The following C2orf74 variants were observed in gnomAD, a reference collection of about 807,000 sequenced individuals.
The protein encoded by C2orf74 is DPM1 ER membrane anchor 1.
A neutral mutation model predicts 17.9 loss-of-function variants in C2orf74; 14 were observed. The ratio of observed to expected loss-of-function variants is 0.78; its 90% CI spans 0.52 to 1.22. The LOEUF (loss-of-function observed/expected upper bound fraction) is 1.22. C2orf74 is among the 50% of genes most tolerant of loss of function. The pLI, the probability that C2orf74 is intolerant of heterozygous loss-of-function variation, is 0.00. For missense variants in C2orf74, 217 were observed against 218.4 expected (o/e 0.99, Z 0.04); for synonymous variants, 79 against 72.6 (o/e 1.09, Z -0.44).
intron 1 of C2orf74, among the ~76,000 whole-genome samples, chr2:61,149,696 A>C (rs1685171104): frequency 6.7e-6 from 1 of 149,338 alleles, no homozygotes. Flanking sequence ...CTCCTGCCTC[A>C]GCCTCACAAG....
chr2:61,145,273 A>G (rs957603060), intron 1 of C2orf74: 2 of 152,174 alleles, frequency 1.3e-5, no homozygotes, highest in Non-Finnish European at 2.9e-5. Context: ...AAATATATTA[A>G]ATATTCATTT....
chr2:61,164,360 G>A lies in C2orf74; in HGVS notation c.397G>A (p.Gly133Ser), dbSNP rs1441074622. The change falls in exon 5 of 5, where the codon GGT becomes AGT. Residue 133 changes from glycine (G) to serine (S), a missense_variant. Transcript: ENST00000432605. ...TTGTCCCATTCTCTTGCAGGATGAT[G>A]GTTTGCAGAAAATACACACATCTGT... ...AGETGQEEDD[G>S]LQKIHTSVTR... The A allele has an allele frequency of 6.5e-7, 1 of 1,540,574 alleles. No individual in the cohort carries two copies. Among genetic ancestry groups the A allele is most frequent in the Non-Finnish European group, 8.7e-7 (1 of 1,143,102 alleles).
intron 1 of C2orf74, among the ~76,000 whole-genome samples, chr2:61,155,302 A>G (rs1685359152): frequency 6.6e-6 from 1 of 152,102 alleles, no homozygotes; most frequent in Admixed American, 6.6e-5. Context: ...TTTCCCATTA[A>G]TTGTTCATGA....
At chr2:61,158,877 CTA>C (rs1685476555), upstream of C2orf74, among the ~76,000 whole-genome samples, 1 of 152,126 alleles carries the variant, frequency 6.6e-6, no homozygotes, top group African/African-American at 2.4e-5. Context: ...ATTCAGCAAA[CTA>C]TACATATTAG....
At chr2:61,148,483 G>A (rs895345868) in intron 1 of C2orf74, among the ~76,000 whole-genome samples, 7 of 152,106 alleles carry the variant, frequency 4.6e-5, no homozygotes, top group Non-Finnish European at 8.8e-5. Context: ...CATGCACCTG[G>A]CCTGGAAAGG....
upstream of C2orf74, among the ~76,000 whole-genome samples, chr2:61,160,657 C>T (rs562619206): frequency 9.2e-5 from 14 of 151,546 alleles, no homozygotes; most frequent in African/African-American, 2.4e-4. Context: ...TACAGGTGTC[C>T]GCCACCACGC....
intron 1 of C2orf74, chr2:61,145,237 G>A (rs1221184938): frequency 3.9e-5 from 6 of 152,224 alleles, no homozygotes; most frequent in Non-Finnish European, 5.9e-5. Flanking sequence ...GTCATCTTTT[G>A]TCCTTGGATA....
chr2:61,151,209 G>A (rs946217637), intron 1 of C2orf74, among the ~76,000 whole-genome samples: 1 of 150,794 alleles, frequency 6.6e-6, no homozygotes, highest in Non-Finnish European at 1.5e-5. Flanking sequence ...CCAGCTACTT[G>A]GGAGGCTGAG....
chr2:61,154,882 C>G (rs1253099731), intron 1 of C2orf74, among the ~76,000 whole-genome samples: 1 of 151,716 alleles, frequency 6.6e-6, no homozygotes, highest in African/African-American at 2.4e-5. Flanking sequence ...TGGTGAAACC[C>G]CATCTCTACT....
At chr2:61,149,632 G>A (rs1685168797) in intron 1 of C2orf74, among the ~76,000 whole-genome samples, 1 of 135,436 alleles carries the variant, frequency 7.4e-6, no homozygotes, top group African/African-American at 2.8e-5. Context: ...AGGCTGGAAT[G>A]CAGTGGCACA....
chr2:61,163,395 G>T (rs1685630129), intron 4 of C2orf74, among the ~76,000 whole-genome samples, 163 bp downstream of exon 4: 2 of 152,160 alleles, frequency 1.3e-5, no homozygotes, highest in South Asian at 2.1e-4. Context: ...GATCACGAGG[G>T]CACATCGAGA....
chr2:61,162,656 G>C, intron 2 of C2orf74, 47 bp downstream of exon 2: 2 of 1,221,682 alleles, frequency 1.6e-6, no homozygotes, highest in Non-Finnish European at 2.3e-6. Flanking sequence ...AGTCACATTA[G>C]CAAATGTGTA....
At chr2:61,158,955 G>A (rs1035391272), upstream of C2orf74, among the ~76,000 whole-genome samples, 1 of 151,632 alleles carries the variant, frequency 6.6e-6, no homozygotes, top group African/African-American at 2.4e-5. Context: ...TAATGGAAGA[G>A]AATCCAAGAA....
intron 1 of C2orf74, among the ~76,000 whole-genome samples, chr2:61,150,008 G>A (rs577834128): frequency 4.6e-5 from 7 of 152,238 alleles, no homozygotes; most frequent in South Asian, 2.1e-4. Context: ...GGCCTTTCCC[G>A]GGACTAGGTA....
chr2:61,163,143 G>C lies in C2orf74; in HGVS notation c.301G>C (p.Glu101Gln). The C allele has an allele frequency of 6.4e-7, 1 of 1,552,260 alleles. No individual in the cohort carries two copies. Among genetic ancestry groups the C allele is most frequent in the Non-Finnish European group, 8.7e-7 (1 of 1,147,090 alleles). Reference sequence around the variant, plus strand: ...TAAGGAAGTGTTGGCCACACCCTTAGAAAACAGAAGGGACATGGAGGCAGA... The same window carrying C: ...TAAGGAAGTGTTGGCCACACCCTTACAAAACAGAAGGGACATGGAGGCAGA... ...QSKEVLATPL[E>Q]NRRDMEAEEE... Residue 101 changes from glutamate (E) to glutamine (Q), a missense_variant, in exon 4 of 5, where the codon GAA becomes CAA. Physicochemically the swap from Glu to Gln is conservative, Grantham distance 29. Coordinates refer to ENST00000432605, the MANE Select transcript of C2orf74 (RefSeq NM_001143959.4).
At chr2:61,157,726 A>C (rs1222364260), upstream of C2orf74, 2 of 378,698 alleles carry the variant, frequency 5.3e-6, no homozygotes, top group Non-Finnish European at 1.1e-5. Flanking sequence ...TTGACCCTTG[A>C]ACTGTGGACT....
rs555705433 is a variant in C2orf74, at chr2:61,147,242, G to GT, written c.-122+2050dup. 2.6e-4 allele frequency among the ~76,000 whole-genome samples: 39 copies of GT among 150,394 alleles called. 1 individual carries two copies. The South Asian group carries it at 6.9e-3, about 27-fold the overall frequency. ...CCTTTCCTTTTTTTTTTTTGACAAG[G>GT]TTTTCTCTGTTGCCGAGACTGCACA... On this transcript the variant is annotated intron_variant, in intron 1 of 3. Coordinates refer to the C2orf74 transcript ENST00000426997.
At position 61,162,969 on chromosome 2, in the gene C2orf74, A is replaced by G; in HGVS notation, c.209+14A>G. ...GGACCATGAAAGGCGAGTGTGGTGC[A>G]GGATGTGGCAGAGGCCATTTTGTGT... On this transcript the variant is annotated intron_variant, in intron 3 of 4. Coordinates refer to ENST00000432605, the MANE Select transcript of C2orf74 (RefSeq NM_001143959.4). The G allele has an allele frequency of 2.6e-6, 4 of 1,552,144 alleles. No homozygotes were observed. The highest frequency in any genetic ancestry group is 3.5e-6 in the Non-Finnish European group (4 of 1,146,748).
intron 1 of C2orf74, among the ~76,000 whole-genome samples, chr2:61,146,808 C>T (rs1365885663): frequency 6.6e-6 from 1 of 151,542 alleles, no homozygotes; most frequent in East Asian, 1.9e-4. Context: ...CACTGCACTC[C>T]AGCCTGGCGA....
Sources: allele counts gnomAD v4.1 joint callset (sites outside exome capture counted in the v4.1 genomes callset), GRCh38; gene constraint gnomAD v4.1.1; transcripts MANE v1.5; gene names NCBI Gene and HGNC (gene_info 2026-07-23, HGNC 2026-07-21).